The following QDPR variants were observed in gnomAD, a reference collection of about 807,000 sequenced individuals.
QDPR encodes the protein dihydropteridine reductase.
Under a neutral mutation model 31.7 loss-of-function variants are expected in QDPR, and 23 were observed. That is an observed-to-expected ratio of 0.73 (90% CI 0.52 to 1.03). QDPR has a LOEUF of 1.03. Among genes scored for constraint, QDPR ranks in the 50% least tolerant of loss-of-function variants. The pLI is 0.00. For missense variants in QDPR, 324 were observed against 323.8 expected, an observed-to-expected ratio of 1.00 and a Z score of 0.00; for synonymous variants, 124 against 124.7, an observed-to-expected ratio of 0.99 and a Z score of 0.03.
At chr4:17,497,743 A>G (rs775902489) in intron 4 of QDPR, among the ~76,000 whole-genome samples, 3 of 152,146 alleles carry the variant, frequency 2.0e-5, no homozygotes, top group Non-Finnish European at 4.4e-5. Context: ...TTAGCCCAAC[A>G]AGCCAAGCAC....
chr4:17,506,761 G>T (rs1718801249), intron 2 of QDPR, among the ~76,000 whole-genome samples: 1 of 152,200 alleles, frequency 6.6e-6, no homozygotes, highest in East Asian at 1.9e-4. Flanking sequence ...CAATCTGTAT[G>T]ACTTAGGTAT....
intron 4 of QDPR, among the ~76,000 whole-genome samples, chr4:17,493,554 C>G (rs567031316): frequency 6.6e-6 from 1 of 152,016 alleles, no homozygotes; most frequent in African/African-American, 2.4e-5. Context: ...TAGAATGGCT[C>G]GAAGAACTCA....
intron 2 of QDPR, 149 bp downstream of exon 2, chr4:17,509,122 C>T: frequency 1.5e-6 from 1 of 659,276 alleles, no homozygotes; most frequent in East Asian, 3.1e-5. Context: ...CATGCCACTG[C>T]ACTCCAGCCT....
chr4:17,492,174 G>C (rs527249540), intron 5 of QDPR, 58 bp downstream of exon 5: 2 of 1,457,188 alleles, frequency 1.4e-6, no homozygotes, highest in Non-Finnish European at 1.9e-6. Context: ...TCAGACAAAC[G>C]GTCACCTGCA....
At position 17,492,223 on chromosome 4, in the gene QDPR, A is replaced by G. The variant is rs764125638; in HGVS notation, c.545+9T>C. ...GGTGGGCAGCAGCCAGGGAACCCCAAGCACTTACGGGAGCACAGCGATGGC... is the reference window on the plus strand; with the variant it reads ...GGTGGGCAGCAGCCAGGGAACCCCAGGCACTTACGGGAGCACAGCGATGGC... On this transcript the variant is annotated intron_variant, in intron 5 of 6. Coordinates refer to ENST00000281243, the MANE Select transcript of QDPR (RefSeq NM_000320.3). The G allele has an allele frequency of 3.7e-6, 6 of 1,611,170 alleles. No homozygotes were observed. In the Admixed American group the frequency reaches 8.3e-5, roughly 22 times the overall value.
intron 4 of QDPR, among the ~76,000 whole-genome samples, chr4:17,500,647 G>T (rs1202818491): frequency 8.5e-5 from 13 of 152,184 alleles, no homozygotes; most frequent in Admixed American, 7.2e-4. Flanking sequence ...CAGATACCTT[G>T]ATCTCCAGAC....
chr4:17,502,269 G>A (rs992743247), intron 3 of QDPR, among the ~76,000 whole-genome samples: 2 of 152,166 alleles, frequency 1.3e-5, no homozygotes, highest in African/African-American at 4.8e-5. Context: ...TATAAAGAGA[G>A]CTTTTACTGA....
rs368614041 is a variant in QDPR, at chr4:17,492,258, G to A, written c.519C>T (p.Pro173=). Reference sequence around the variant, plus strand: ...GGAGCACAGCGATGGCGGCTGCCCCGGGCGGCATGCCGCTGTTCTTCCCAG... The same window carrying A: ...GGAGCACAGCGATGGCGGCTGCCCCAGGCGGCATGCCGCTGTTCTTCCCAG... ...SLAGKNSGMP[P]GAAAIAVLPV... The change falls in exon 5 of 7, where the codon CCC becomes CCT. Residue 173 remains proline (P), a synonymous_variant. Transcript: ENST00000281243. 8.2e-5 allele frequency: 132 copies of A among 1,613,890 alleles called. No homozygotes were observed. The highest frequency in any genetic ancestry group is 1.6e-4 in the Middle Eastern group (1 of 6,062).
At chr4:17,502,118 T>C (rs1168244689) in intron 3 of QDPR, among the ~76,000 whole-genome samples, 1 of 152,208 alleles carries the variant, frequency 6.6e-6, no homozygotes, top group African/African-American at 2.4e-5. Flanking sequence ...AAAATAAACC[T>C]GGAGTTTACT....
At position 17,505,159 on chromosome 4, in the gene QDPR, C is replaced by A. The variant is rs533429748; in HGVS notation, c.199-684G>T. ...TGTCAGGACAGGCAATTCTGGCCATCCACCACGACTCTTCCGTATTTCTCT... is the reference window on the plus strand; with the variant it reads ...TGTCAGGACAGGCAATTCTGGCCATACACCACGACTCTTCCGTATTTCTCT... On this transcript the variant is annotated intron_variant, in intron 2 of 6. Coordinates refer to ENST00000281243, the MANE Select transcript of QDPR (RefSeq NM_000320.3). Among the ~76,000 whole-genome samples, 4 of 152,172 alleles carry A rather than the reference C, an allele frequency of 2.6e-5. No individual in the cohort carries two copies. In the East Asian group the frequency reaches 7.7e-4, roughly 29 times the overall value.
Position 17,509,335 on chromosome 4 carries a change from T to C in QDPR, c.134A>G (p.Asn45Ser), listed in dbSNP as rs1032079247. ...WWVASVDVVE[N>S]EEASASIIVK... ...AATGATGCTAGCGCTGGCCTCTTCA[T>C]TCTCCACCACATCAACGCTGGCAAC... The change falls in exon 2 of 7, where the codon AAT (asparagine) becomes AGT (serine). Residue 45 changes from asparagine to serine, a missense_variant. Asn to Ser is a conservative substitution (Grantham distance 46, BLOSUM62 1). Transcript: ENST00000281243. 1 of 1,614,012 alleles carries C rather than the reference T, an allele frequency of 6.2e-7. No homozygotes were observed. The highest frequency in any genetic ancestry group is 8.5e-7 in the Non-Finnish European group (1 of 1,179,914).
rs1577185965 is a variant in QDPR at position 17,492,479 on chromosome 4, C to T, written c.437-139G>A. Reference sequence around the variant, plus strand: ...CTGGCCTCCTCCTTCAGGTCAGACGCCCTCACCAACCCCCATCAAAAAATG... The same window carrying T: ...CTGGCCTCCTCCTTCAGGTCAGACGTCCTCACCAACCCCCATCAAAAAATG... On this transcript the variant is annotated intron_variant, in intron 4 of 6. Coordinates refer to ENST00000281243, the MANE Select transcript of QDPR (RefSeq NM_000320.3). The T allele has an allele frequency of 1.0e-5, 7 of 693,050 alleles. 1 individual carries two copies. The Admixed American group carries it at 1.4e-4, about 13-fold the overall frequency. The allele number at this position is 693,050 out of a possible 1,614,324, so 42.9% of individuals were successfully genotyped here. A position where few individuals can be genotyped will look rare whatever the true frequency, so the allele number is the denominator to read the frequency against.
At position 17,501,710 on chromosome 4, in the gene QDPR, A is replaced by T. The variant is rs1577191540; in HGVS notation, c.436+9T>A. On this transcript the variant is annotated intron_variant, in intron 4 of 6. Transcript: ENST00000281243. ...ACCCCACTCCACAGATAGGGAAATA[A>T]AGGCTTACCAGGAGTCCCATCCAGG... 1 of 1,613,700 alleles carries T rather than the reference A, an allele frequency of 6.2e-7. No homozygotes were observed. Among genetic ancestry groups the T allele is most frequent in the South Asian group, 1.1e-5 (1 of 91,028 alleles).
In QDPR at chr4:17,499,858, A is replaced by G. The variant is rs6841929; in HGVS notation, c.436+1861T>C. The stretch of plus-strand genomic sequence containing the variant: ...TGCTTGAGCCCAGGAGTTCCAAGCT[A>G]CAGTGAGCTAGATCATACCACTACA... On this transcript the variant is annotated intron_variant, in intron 4 of 6. Coordinates refer to ENST00000281243, the MANE Select transcript of QDPR (RefSeq NM_000320.3). 2.6e-3 allele frequency among the ~76,000 whole-genome samples: 393 copies of G among 152,300 alleles called. 1 individual carries two copies. The highest frequency in any genetic ancestry group is 8.6e-3 in the African/African-American group (358 of 41,560).
rs887990812 is a variant in QDPR, at chr4:17,499,124, T to G, written c.436+2595A>C. Among the ~76,000 whole-genome samples, 78 of 152,232 alleles carry G rather than the reference T, an allele frequency of 5.1e-4. 3 individuals carry two copies. The highest frequency in any genetic ancestry group is 1.8e-4 in the Non-Finnish European group (12 of 68,044). On this transcript the variant is annotated intron_variant, in intron 4 of 6. Transcript: ENST00000281243. ...ATCCATTTAGATCCATTGAGACATT[T>G]ACAAGGTACAACCACCATATATATA...
chr4:17,509,615 T>G (rs530993228), intron 1 of QDPR, among the ~76,000 whole-genome samples: 1 of 152,234 alleles, frequency 6.6e-6, no homozygotes, highest in Admixed American at 6.5e-5. Context: ...TAGCCCCAGC[T>G]ACCCGGGAGG....
intron 1 of QDPR, among the ~76,000 whole-genome samples, chr4:17,510,418 G>A (rs1718964834): frequency 6.6e-6 from 1 of 152,058 alleles, no homozygotes; most frequent in African/African-American, 2.4e-5. Flanking sequence ...CCTTACTCAG[G>A]GTCTCTTGGT....
chr4:17,494,563 A>G (rs549581584), intron 4 of QDPR, among the ~76,000 whole-genome samples: 1 of 152,296 alleles, frequency 6.6e-6, no homozygotes, highest in African/African-American at 2.4e-5. Flanking sequence ...GCTTTGGAGA[A>G]TACTTCCAGC....
chr4:17,497,869 A>C (rs573288791), intron 4 of QDPR, among the ~76,000 whole-genome samples: 1 of 152,280 alleles, frequency 6.6e-6, no homozygotes, highest in South Asian at 2.1e-4. Context: ...AAATTTTGAC[A>C]TTGTGTATAC....
Sources: allele counts gnomAD v4.1 joint callset (sites outside exome capture counted in the v4.1 genomes callset), GRCh38; gene constraint gnomAD v4.1.1; transcripts MANE v1.5; gene names NCBI Gene and HGNC (gene_info 2026-07-23, HGNC 2026-07-21).